The following NT5E variants were observed in gnomAD, a reference collection of about 807,000 sequenced individuals.
NT5E encodes 5'-nucleotidase.
Under a neutral mutation model 55.1 loss-of-function variants are expected in NT5E, and 53 were observed. The observed-to-expected ratio is 0.96, with a 90% CI of 0.77 to 1.21. The LOEUF (loss-of-function observed/expected upper bound fraction) is 1.21, where lower values mean the gene tolerates loss of function less well. Ranked by LOEUF, NT5E falls within the 50% of genes most tolerant of loss-of-function variation. NT5E has a pLI of 0.00. For missense variants in NT5E, 683 were observed against 724.3 expected, an observed-to-expected ratio of 0.94 and a Z score of 0.65; for synonymous variants, 270 against 278.4, an observed-to-expected ratio of 0.97 and a Z score of 0.30.
chr6:85,469,387 G>A (rs1414214560), intron 2 of NT5E, among the ~76,000 whole-genome samples: 2 of 151,980 alleles, frequency 1.3e-5, no homozygotes, highest in East Asian at 3.9e-4. Flanking sequence ...GCCAGGCACT[G>A]TTTTAGGCAC....
At chr6:85,466,181 C>T (rs1308303716) in intron 1 of NT5E, among the ~76,000 whole-genome samples, 1 of 152,108 alleles carries the variant, frequency 6.6e-6, no homozygotes, top group Admixed American at 6.5e-5. Flanking sequence ...CCCCCCAGCC[C>T]CCAACTCACT....
intron 8 of NT5E, among the ~76,000 whole-genome samples, chr6:85,493,284 C>G (rs1399084355): frequency 6.6e-6 from 1 of 152,100 alleles, no homozygotes; most frequent in Non-Finnish European, 1.5e-5. Flanking sequence ...GTGAAAACCA[C>G]TGAAGAGAGA....
At chr6:85,466,445 G>C (rs1368294743) in intron 1 of NT5E, among the ~76,000 whole-genome samples, 1 of 152,148 alleles carries the variant, frequency 6.6e-6, no homozygotes, top group African/African-American at 2.4e-5. Flanking sequence ...CTGACTGGAG[G>C]AGGAAGCCAG....
intron 4 of NT5E, among the ~76,000 whole-genome samples, chr6:85,486,279 T>G (rs999546944): frequency 6.6e-6 from 1 of 152,202 alleles, no homozygotes; most frequent in African/African-American, 2.4e-5. Context: ...AAACACAGTC[T>G]TTCCATAACC....
Position 85,452,443 on chromosome 6 carries a change from G to A in NT5E, c.339+1965G>A, listed in dbSNP as rs569596166. On this transcript the variant is annotated intron_variant, in intron 1 of 8. Coordinates refer to ENST00000257770, the MANE Select transcript of NT5E (RefSeq NM_002526.4). ...GTGAGGCCTGAGTAAACTGCTGTAA[G>A]TTACAGCCTATCTCTTCTGTGTTTG... 2.6e-5 allele frequency among the ~76,000 whole-genome samples: 4 copies of A among 152,316 alleles called. No individual in the cohort carries two copies. In the South Asian group the frequency reaches 8.3e-4, roughly 32 times the overall value.
At chr6:85,458,792 A>G (rs1323235009) in intron 1 of NT5E, among the ~76,000 whole-genome samples, 1 of 152,190 alleles carries the variant, frequency 6.6e-6, no homozygotes, top group Non-Finnish European at 1.5e-5. Context: ...CCTATTTTGC[A>G]CGTATGGAGA....
intron 8 of NT5E, among the ~76,000 whole-genome samples, chr6:85,493,623 C>G (rs58285927): frequency 0.024 from 3,654 of 152,214 alleles, 178 homozygotes; most frequent in African/African-American, 0.084. Context: ...AACTCTACTT[C>G]CCCCAATTAC....
intron 3 of NT5E, among the ~76,000 whole-genome samples, chr6:85,482,118 C>G (rs1393231976): frequency 3.3e-5 from 5 of 152,244 alleles, no homozygotes. Flanking sequence ...CTTATGTTGT[C>G]CCAATTCAGG....
Position 85,492,148 on chromosome 6 carries a change from T to A in NT5E, c.1532T>A (p.Ile511Lys). The A allele has an allele frequency of 1.2e-6, 2 of 1,614,120 alleles. No homozygotes were observed. Among genetic ancestry groups the A allele is most frequent in the Non-Finnish European group, 8.5e-7 (1 of 1,179,982 alleles). Residue 511 changes from isoleucine (I) to lysine (K), a missense_variant, in exon 8 of 9, where the codon ATA (isoleucine) becomes AAA (lysine). Physicochemically the swap from Ile to Lys is moderately radical, Grantham distance 102. Coordinates refer to ENST00000257770, the MANE Select transcript of NT5E (RefSeq NM_002526.4). The part of the protein sequence containing the change: ...LANGGDGFQM[I>K]KDELLRHDSG... ...AATGGTGGAGATGGGTTCCAGATGA[T>A]AAAAGATGAATTATTAAGACATGAC...
At chr6:85,468,124 A>T (rs889428970) in intron 2 of NT5E, among the ~76,000 whole-genome samples, 1 of 152,264 alleles carries the variant, frequency 6.6e-6, no homozygotes, top group African/African-American at 2.4e-5. Context: ...AGTTTTCATT[A>T]AGAACTAACT....
In NT5E at chr6:85,489,566, G is replaced by C. The variant is rs1427524072; in HGVS notation, c.1177G>C (p.Gly393Arg). The change falls in exon 6 of 9, where the codon GGT becomes CGT. Residue 393 changes from glycine to arginine, a missense_variant. Coordinates refer to ENST00000257770, the MANE Select transcript of NT5E (RefSeq NM_002526.4). Reference sequence around the variant, plus strand: ...ATCCATGTGCATTTTAAATGGAGGTGGTATCCGGTCGCCCATTGATGAACG... The same window carrying C: ...ATCCATGTGCATTTTAAATGGAGGTCGTATCCGGTCGCCCATTGATGAACG... ...HVSMCILNGG[G>R]IRSPIDERNN... 1 of 1,613,886 alleles carries C rather than the reference G, an allele frequency of 6.2e-7. No homozygotes were observed.
At chr6:85,485,093 G>T in intron 3 of NT5E, 142 bp from the exon 4 acceptor site, 1 of 774,134 alleles carries the variant, frequency 1.3e-6, no homozygotes. Flanking sequence ...CCCAGATAGG[G>T]CTCTGAAAGA....
At chr6:85,491,739 C>G (rs1252677811) in intron 7 of NT5E, among the ~76,000 whole-genome samples, 1 of 152,182 alleles carries the variant, frequency 6.6e-6, no homozygotes, top group Non-Finnish European at 1.5e-5. Context: ...TGTAGAGTCA[C>G]CCTTTGCCTA....
intron 2 of NT5E, among the ~76,000 whole-genome samples, chr6:85,468,177 T>TGTTGTTGTTG (rs1769233179): frequency 6.6e-6 from 1 of 152,222 alleles, no homozygotes; most frequent in Admixed American, 6.5e-5. Context: ...ATATATTTAC[T>TGTTGTTGTTG]GTTGTTGTTG....
intron 1 of NT5E, among the ~76,000 whole-genome samples, chr6:85,464,548 C>T (rs1193665281): frequency 6.6e-6 from 1 of 152,038 alleles, no homozygotes; most frequent in Non-Finnish European, 1.5e-5. Context: ...GAGGGGAAGG[C>T]AAAACCAGAT....
At chr6:85,458,031 A>G (rs1769021186) in intron 1 of NT5E, among the ~76,000 whole-genome samples, 2 of 152,254 alleles carry the variant, frequency 1.3e-5, no homozygotes, top group African/African-American at 4.8e-5. Context: ...AGCCGAAATC[A>G]GCAGTAAGCA....
intron 5 of NT5E, among the ~76,000 whole-genome samples, chr6:85,488,097 C>T (rs1441208258): frequency 1.3e-5 from 2 of 152,194 alleles, no homozygotes; most frequent in Admixed American, 6.5e-5. Context: ...TTCACAGGCA[C>T]AGAAAGACAA....
chr6:85,468,944 G>C (rs12664908), intron 2 of NT5E, among the ~76,000 whole-genome samples: 3 of 152,040 alleles, frequency 2.0e-5, no homozygotes, highest in East Asian at 3.9e-4. Flanking sequence ...GGCCCAGTGT[G>C]GGGGGAAAGG....
rs1166062054 is a variant in NT5E, at chr6:85,487,446, G to A, written c.1061G>A (p.Arg354His). 26 of 1,614,042 alleles carry A rather than the reference G, an allele frequency of 1.6e-5. No individual in the cohort carries two copies. Among genetic ancestry groups the A allele is most frequent in the South Asian group, 4.4e-5 (4 of 91,092 alleles). Residue 354 changes from arginine (R) to histidine (H), a missense_variant, in exon 5 of 9, where the codon CGC (arginine) becomes CAC (histidine). By Grantham distance (29) the Arg-to-His change is conservative. Coordinates refer to ENST00000257770, the MANE Select transcript of NT5E (RefSeq NM_002526.4). ...VYLDGSSQSC[R>H]FRECNMGNLI... ...CTGGATGGCTCCTCTCAATCATGCC[G>A]CTTTAGAGAATGCAACATGGGCAAC...
Sources: gnomAD v4.1 joint callset for allele counts (sites outside exome capture counted in the v4.1 genomes callset) on GRCh38, gnomAD v4.1.1 for gene constraint, MANE v1.5 for transcripts, NCBI Gene and HGNC (gene_info 2026-07-23, HGNC 2026-07-21) for gene names.